MINDY3: variants seen among roughly 807,000 people sequenced by gnomAD.
MINDY3 encodes the protein MINDY lysine 48 deubiquitinase 3.
In MINDY3, 38 loss-of-function variants were observed where a neutral mutation model predicts 69.2. The observed-to-expected ratio is 0.55, with a 90% CI of 0.42 to 0.72. The LOEUF is 0.72. Ranked by LOEUF, MINDY3 falls within the 30% of genes least tolerant of loss-of-function variation. The pLI, the probability that MINDY3 is intolerant of heterozygous loss-of-function variation, is 0.00. For missense variants in MINDY3, 522 were observed against 519.0 expected, an observed-to-expected ratio of 1.01 and a Z score of -0.06; for synonymous variants, 192 against 180.1, an observed-to-expected ratio of 1.07 and a Z score of -0.53.
At chr10:15,810,826 A>T (rs991245732) in intron 10 of MINDY3, among the ~76,000 whole-genome samples, 5 of 152,144 alleles carry the variant, frequency 3.3e-5, no homozygotes, top group East Asian at 1.9e-4. Flanking sequence ...AGAATATATT[A>T]AAAAACTCTT....
In MINDY3 at chr10:15,786,607, C is replaced by T; in HGVS notation, c.1070G>A (p.Gly357Glu). ...AAGAAATGGGCCCAATAATATGATT[C>T]CTAATCCTTCTGGATCTAATTTATT... ...MKNKLDPEGL[G>E]IILLGPFLQE... Residue 357 changes from glycine (G) to glutamate (E), a missense_variant, in exon 13 of 15, where the codon GGA becomes GAA. By Grantham distance (98) the Gly-to-Glu change is moderately conservative. Transcript: ENST00000277632. The T allele has an allele frequency of 6.3e-7, 1 of 1,596,682 alleles. No individual in the cohort carries two copies. The highest frequency in any genetic ancestry group is 1.1e-5 in the South Asian group (1 of 90,290).
At chr10:15,805,091 T>C (rs1006792984) in intron 10 of MINDY3, among the ~76,000 whole-genome samples, 10 of 152,134 alleles carry the variant, frequency 6.6e-5, no homozygotes, top group African/African-American at 2.2e-4. Context: ...TCTACTCTTG[T>C]GCCATAATTA....
At chr10:15,825,721 T>A (rs1044190090) in intron 8 of MINDY3, among the ~76,000 whole-genome samples, 1 of 152,234 alleles carries the variant, frequency 6.6e-6, no homozygotes, top group Non-Finnish European at 1.5e-5. Flanking sequence ...GTGTACAACA[T>A]GTTTTGAAAT....
At chr10:15,859,232 A>G (rs950583767) in intron 1 of MINDY3, among the ~76,000 whole-genome samples, 40 of 152,312 alleles carry the variant, frequency 2.6e-4, no homozygotes, top group African/African-American at 9.4e-4. Flanking sequence ...TACAAAATAC[A>G]CGTTTTGAAA....
At chr10:15,852,736 T>C (rs937951584) in intron 1 of MINDY3, among the ~76,000 whole-genome samples, 1 of 152,074 alleles carries the variant, frequency 6.6e-6, no homozygotes. Flanking sequence ...TGAAGTGTAA[T>C]TCGGATTAGA....
At chr10:15,790,921 T>C (rs920984019) in intron 11 of MINDY3, among the ~76,000 whole-genome samples, 1 of 152,080 alleles carries the variant, frequency 6.6e-6, no homozygotes, top group Non-Finnish European at 1.5e-5. Context: ...GCAGAAACCA[T>C]AACCTGCAAC....
At chr10:15,820,662 C>G (rs553793300) in intron 9 of MINDY3, among the ~76,000 whole-genome samples, 1 of 152,128 alleles carries the variant, frequency 6.6e-6, no homozygotes, top group Non-Finnish European at 1.5e-5. Flanking sequence ...CAGGACAAAT[C>G]CAATTTGATT....
intron 8 of MINDY3, among the ~76,000 whole-genome samples, chr10:15,827,573 TAAAA>T (rs927402139): frequency 6.0e-4 from 85 of 141,268 alleles, no homozygotes; most frequent in Non-Finnish European, 1.2e-3. Context: ...AATAAATAAA[TAAAA>T]GCCTTGGATA....
At chr10:15,779,257 C>T in intron 14 of MINDY3, 116 bp from the exon 15 acceptor site, 2 of 756,310 alleles carry the variant, frequency 2.6e-6, no homozygotes, top group South Asian at 3.9e-5. Context: ...TCAGATGAAA[C>T]TTGACATGTA....
Position 15,796,124 on chromosome 10 carries a change from C to T in MINDY3, c.931G>A (p.Val311Ile). The stretch of plus-strand genomic sequence containing the variant: ...CCTTCTGGGTCGTAGGTTTGAAAAA[C>T]TCTTCTGGCTTGTTCTGAAGGAGCT... The part of the protein sequence containing the change: ...PEAPSEQARR[V>I]FQTYDPEDNG... Residue 311 changes from valine (V) to isoleucine (I), a missense_variant, in exon 11 of 15, where the codon GTT becomes ATT. Transcript: ENST00000277632. The T allele has an allele frequency of 6.2e-7, 1 of 1,612,698 alleles. No individual in the cohort carries two copies.
chr10:15,819,665 C>A (rs1839621848), intron 9 of MINDY3, among the ~76,000 whole-genome samples: 1 of 152,206 alleles, frequency 6.6e-6, no homozygotes, highest in African/African-American at 2.4e-5. Flanking sequence ...CAGATGCAAT[C>A]CTGCATGTGG....
chr10:15,809,695 A>C (rs1214510586), intron 10 of MINDY3, among the ~76,000 whole-genome samples: 2 of 152,112 alleles, frequency 1.3e-5, no homozygotes, highest in Non-Finnish European at 2.9e-5. Flanking sequence ...CAGTTCCTAT[A>C]AGGTTCCTGA....
At chr10:15,842,153 C>T (rs1031813725) in intron 3 of MINDY3, among the ~76,000 whole-genome samples, 1 of 151,692 alleles carries the variant, frequency 6.6e-6, no homozygotes, top group Admixed American at 6.6e-5. Flanking sequence ...TAGAAAATGG[C>T]GCAAATGCTC....
chr10:15,786,725 G>A (rs1836999032), intron 12 of MINDY3, 77 bp from the exon 13 acceptor site: 1 of 844,338 alleles, frequency 1.2e-6, no homozygotes, highest in Non-Finnish European at 2.0e-6. Flanking sequence ...TTAAATTACT[G>A]GTACTACAAC....
intron 10 of MINDY3, among the ~76,000 whole-genome samples, chr10:15,803,597 G>A (rs1304918832): frequency 1.3e-5 from 2 of 152,050 alleles, no homozygotes; most frequent in Non-Finnish European, 2.9e-5. Flanking sequence ...GGTTCCATAT[G>A]TAGTATATTT....
chr10:15,851,219 T>C (rs943974747), intron 1 of MINDY3, among the ~76,000 whole-genome samples: 30 of 152,298 alleles, frequency 2.0e-4, no homozygotes, highest in Non-Finnish European at 3.1e-4. Context: ...TTAGGATCTA[T>C]GCTCCTTTCA....
intron 12 of MINDY3, among the ~76,000 whole-genome samples, chr10:15,788,495 T>C (rs1837151224): frequency 2.0e-5 from 3 of 152,054 alleles, no homozygotes; most frequent in Admixed American, 6.6e-5. Context: ...ACTCTTTCAT[T>C]ATGTTTGATA....
At chr10:15,818,442 G>A (rs546311842) in intron 9 of MINDY3, among the ~76,000 whole-genome samples, 2 of 152,154 alleles carry the variant, frequency 1.3e-5, no homozygotes, top group South Asian at 4.1e-4. Context: ...TTGGACAACA[G>A]TTTGACACTT....
At chr10:15,855,475 G>T (rs183354012) in intron 1 of MINDY3, among the ~76,000 whole-genome samples, 37 of 151,994 alleles carry the variant, frequency 2.4e-4, no homozygotes, top group Admixed American at 1.7e-3. Context: ...TCCTGATTAC[G>T]TCTGAAATTA....
Sources: allele counts gnomAD v4.1 joint callset (sites outside exome capture counted in the v4.1 genomes callset), GRCh38; gene constraint gnomAD v4.1.1; transcripts MANE v1.5; gene names NCBI Gene and HGNC (gene_info 2026-07-23, HGNC 2026-07-21).